Variants in FREM1 observed in about 807,000 individuals in gnomAD.
FREM1 encodes FRAS1 related extracellular matrix 1, also known as FRAS1-related extracellular matrix protein 1.
In FREM1, 220 loss-of-function variants were observed where a neutral mutation model predicts 210.1. The observed-to-expected ratio is 1.05, with a 90% CI of 0.94 to 1.17. The LOEUF is 1.17. FREM1 is among the 50% of genes most tolerant of loss of function. FREM1 has a pLI of 0.00. For missense variants in FREM1, 3,454 were observed against 2,675.5 expected, an observed-to-expected ratio of 1.29 and a Z score of -6.42; for synonymous variants, 1,189 against 980.2, an observed-to-expected ratio of 1.21 and a Z score of -3.98.
At chr9:14,860,531 A>ATTTATATATATATG (rs1829616694) in intron 3 of FREM1, among the ~76,000 whole-genome samples, 1 of 138,466 alleles carries the variant, frequency 7.2e-6, no homozygotes, top group African/African-American at 3.1e-5. Flanking sequence ...CGTAGTAGGT[A>ATTTATATATATATG]TGTATATATA....
chr9:14,771,774 G>A (rs748844560), intron 25 of FREM1, among the ~76,000 whole-genome samples: 3 of 152,074 alleles, frequency 2.0e-5, no homozygotes, highest in Middle Eastern at 3.2e-3. Flanking sequence ...ATATTTTTGT[G>A]TATTATGATA....
intron 3 of FREM1, among the ~76,000 whole-genome samples, chr9:14,860,578 T>C (rs1386968945): frequency 7.5e-6 from 1 of 133,126 alleles, no homozygotes; most frequent in African/African-American, 3.5e-5. Flanking sequence ...TACACATATA[T>C]ATACACATAT....
Position 14,770,773 on chromosome 9 carries a change from T to C in FREM1, c.4891A>G (p.Thr1631Ala), listed in dbSNP as rs1210327978. The C allele has an allele frequency of 6.2e-7, 1 of 1,613,150 alleles. No homozygotes were observed. Among genetic ancestry groups the C allele is most frequent in the African/African-American group, 1.3e-5 (1 of 75,010 alleles). The change falls in exon 26 of 37, where the codon ACA (threonine) becomes GCA (alanine). Residue 1631 changes from threonine to alanine, a missense_variant. Physicochemically the swap from Thr to Ala is moderately conservative, Grantham distance 58. Coordinates refer to ENST00000380880, the MANE Select transcript of FREM1 (RefSeq NM_001379081.2). ...DQLDKTAPRI[T>A]LLHSPSQVGL... ...ACTTGAGAAGGGGAATGCAAGAGTG[T>C]GATACGAGGAGCTGTTTTGTCCAAT...
At chr9:14,774,571 G>A (rs1259039684) in intron 25 of FREM1, among the ~76,000 whole-genome samples, 3 of 141,928 alleles carry the variant, frequency 2.1e-5, no homozygotes, top group Middle Eastern at 7.5e-3. Context: ...CTCAGAGCAA[G>A]GAAAAATGTA....
chr9:14,863,558 A>T (rs761706040), intron 3 of FREM1, among the ~76,000 whole-genome samples: 1 of 152,144 alleles, frequency 6.6e-6, no homozygotes, highest in African/African-American at 2.4e-5. Context: ...ATATAAGGAC[A>T]CTAGAGGGAA....
chr9:14,860,280 GA>G (rs1829566030), intron 3 of FREM1, among the ~76,000 whole-genome samples: 1 of 152,010 alleles, frequency 6.6e-6, no homozygotes, highest in South Asian at 2.1e-4. Flanking sequence ...AGGGGCTGGA[GA>G]AGGAGAAGCA....
intron 1 of FREM1, among the ~76,000 whole-genome samples, chr9:14,870,789 T>A (rs1053681970): frequency 1.5e-4 from 22 of 148,452 alleles, no homozygotes; most frequent in African/African-American, 5.2e-4. Flanking sequence ...TATCTCCTAA[T>A]GCTATCCCTC....
chr9:14,797,732 G>A, intron 20 of FREM1, 90 bp from the exon 21 acceptor site: 1 of 1,113,962 alleles, frequency 9.0e-7, no homozygotes, highest in South Asian at 1.4e-5. Context: ...TTCAAGGCAG[G>A]GGTATTAGCA....
intron 25 of FREM1, chr9:14,773,914 G>C: frequency 3.0e-6 from 1 of 338,592 alleles, no homozygotes; most frequent in East Asian, 7.8e-5. Context: ...AGTATCCCTG[G>C]TTGGACAGTA....
At chr9:14,847,194 G>C (rs1012803118) in intron 7 of FREM1, among the ~76,000 whole-genome samples, 1 of 152,024 alleles carries the variant, frequency 6.6e-6, no homozygotes, top group African/African-American at 2.4e-5. Context: ...CACAGCAGTT[G>C]CATCTTCTCC....
rs200760404 is a variant in FREM1, at chr9:14,824,067, T to C, written c.2127A>G (p.Val709=). The change falls in exon 12 of 37, where the codon GTA becomes GTG. Residue 709 remains valine, a synonymous_variant. Coordinates refer to ENST00000380880, the MANE Select transcript of FREM1 (RefSeq NM_001379081.2). ...KLFMVDSIPK[V]VKNPTALELR... is the part of the protein sequence containing the mutation. ...GCTCCAGGGCCGTAGGATTCTTAAC[T>C]ACTTTTGGTATGCTGTCCACCATAA... 6.3e-5 allele frequency: 100 copies of C among 1,593,002 alleles called. No individual in the cohort carries two copies. The African/African-American group carries it at 1.1e-3, about 18-fold the overall frequency.
chr9:14,853,484 A>G (rs1828134120), intron 5 of FREM1, among the ~76,000 whole-genome samples: 1 of 152,076 alleles, frequency 6.6e-6, no homozygotes. Flanking sequence ...AATGAATGGG[A>G]CTCTCCAGAG....
At chr9:14,842,293 G>T in intron 9 of FREM1, 23 bp downstream of exon 9, 1 of 1,418,724 alleles carries the variant, frequency 7.0e-7, no homozygotes, top group Non-Finnish European at 9.6e-7. Context: ...CCATTCAAAT[G>T]ATCTTAACTG....
rs1824660423 is a variant in FREM1, at chr9:14,836,615, T to A, written c.1881+4832A>T. 6.6e-6 allele frequency among the ~76,000 whole-genome samples: 1 copy of A among 152,238 alleles called. No homozygotes were observed. Among genetic ancestry groups the A allele is most frequent in the Non-Finnish European group, 1.5e-5 (1 of 68,042 alleles). ...TATTAAGCCCTCTCTTGCTTATATGTCTTGAATTGATATTTGGACGTTGTA... is the reference window on the plus strand; with the variant it reads ...TATTAAGCCCTCTCTTGCTTATATGACTTGAATTGATATTTGGACGTTGTA... On this transcript the variant is annotated intron_variant, in intron 10 of 36. Coordinates refer to ENST00000380880, the MANE Select transcript of FREM1 (RefSeq NM_001379081.2). This position sits in a 1 kb window ranked among gnomAD's most constrained non-coding sequence, Gnocchi z 4.9.
At chr9:14,870,474 G>A (rs1404211233) in intron 1 of FREM1, among the ~76,000 whole-genome samples, 1 of 151,818 alleles carries the variant, frequency 6.6e-6, no homozygotes, top group African/African-American at 2.4e-5. Context: ...TTTGTTTTTT[G>A]TTGCTGTTGT....
chr9:14,889,393 GT>G (rs929144232), intron 1 of FREM1, among the ~76,000 whole-genome samples: 4 of 152,130 alleles, frequency 2.6e-5, no homozygotes, highest in Non-Finnish European at 5.9e-5. Context: ...GGAAGGTTTA[GT>G]TTTTTTCCCT....
chr9:14,805,531 G>A (rs1001983368), intron 18 of FREM1, among the ~76,000 whole-genome samples: 1 of 152,154 alleles, frequency 6.6e-6, no homozygotes, highest in African/African-American at 2.4e-5. Flanking sequence ...CCTCCGTCAC[G>A]TAAACGCAAA....
At chr9:14,898,329 A>G (rs1838126316) in intron 1 of FREM1, among the ~76,000 whole-genome samples, 1 of 152,262 alleles carries the variant, frequency 6.6e-6, no homozygotes, top group African/African-American at 2.4e-5. Context: ...GGCTCAGCCA[A>G]AGTTAGTTCC....
chr9:14,825,616 C>T (rs937088457), intron 10 of FREM1, among the ~76,000 whole-genome samples: 3 of 145,330 alleles, frequency 2.1e-5, no homozygotes, highest in Non-Finnish European at 4.5e-5. Context: ...AGAATGGGCA[C>T]ATAAAACACA....
Sources: gnomAD v4.1 joint callset for allele counts (sites outside exome capture counted in the v4.1 genomes callset) on GRCh38, gnomAD v4.1.1 for gene constraint, Gnocchi (gnomAD v3.1) non-coding constraint, MANE v1.5 for transcripts, NCBI Gene and HGNC (gene_info 2026-07-23, HGNC 2026-07-21) for gene names.